Variants in ANK2 observed in about 807,000 individuals in gnomAD.
ANK2 encodes ankyrin 2.
A neutral mutation model predicts 360.5 loss-of-function variants in ANK2; 83 were observed. The observed-to-expected ratio is 0.23, with a 90% CI of 0.19 to 0.28. ANK2 has a LOEUF of 0.28. ANK2 is among the 10% of genes least tolerant of loss of function. The pLI is 1.00. For synonymous variants in ANK2, 1,740 were observed against 1,759.5 expected, an observed-to-expected ratio of 0.99 and a Z score of 0.28; for missense variants, 4,201 against 4,795.7, an observed-to-expected ratio of 0.88 and a Z score of 3.66.
intron 2 of ANK2, among the ~76,000 whole-genome samples, chr4:112,953,777 T>C (rs1431824066): frequency 6.6e-6 from 1 of 152,208 alleles, no homozygotes; most frequent in African/African-American, 2.4e-5. Context: ...ACGAGGATTA[T>C]TACCAGGTGC....
chr4:112,925,719 A>T (rs1054704277), intron 2 of ANK2, among the ~76,000 whole-genome samples: 1 of 152,242 alleles, frequency 6.6e-6, no homozygotes, highest in African/African-American at 2.4e-5. Flanking sequence ...GGGAGATTAC[A>T]TAGAAGAGTT....
chr4:113,374,307 AT>A (rs2096849594), intron 45 of ANK2, among the ~76,000 whole-genome samples: 2 of 152,098 alleles, frequency 1.3e-5, no homozygotes, highest in Non-Finnish European at 2.9e-5. Flanking sequence ...GTGAAATTCT[AT>A]TTTCCATTCA....
At chr4:113,235,076 G>A (rs949455753) in intron 5 of ANK2, among the ~76,000 whole-genome samples, 18 of 152,112 alleles carry the variant, frequency 1.2e-4, no homozygotes, top group African/African-American at 4.3e-4. Context: ...AAAATTAAAG[G>A]CCAAAAACTT....
chr4:113,122,922 A>G (rs1362474738), intron 1 of ANK2, among the ~76,000 whole-genome samples: 1 of 150,830 alleles, frequency 6.6e-6, no homozygotes, highest in African/African-American at 2.4e-5. Flanking sequence ...AAATAAATTT[A>G]TATATTTATT....
intron 2 of ANK2, among the ~76,000 whole-genome samples, chr4:113,028,969 T>C (rs1405491378): frequency 6.6e-6 from 1 of 152,140 alleles, no homozygotes; most frequent in Non-Finnish European, 1.5e-5. Flanking sequence ...TATAAGCTAA[T>C]ATCTTGGAAT....
At chr4:113,293,791 T>G (rs575003962) in intron 22 of ANK2, among the ~76,000 whole-genome samples, 4 of 152,360 alleles carry the variant, frequency 2.6e-5, no homozygotes, top group African/African-American at 7.2e-5. Flanking sequence ...TAATATTTAA[T>G]TCCTTTTTCT....
chr4:113,151,786 C>G (rs1239077963), intron 1 of ANK2, among the ~76,000 whole-genome samples: 5 of 151,722 alleles, frequency 3.3e-5, no homozygotes, highest in African/African-American at 1.2e-4. Flanking sequence ...TGAAGGTAGG[C>G]TGGGCACCAT....
intron 2 of ANK2, among the ~76,000 whole-genome samples, chr4:113,178,652 T>C (rs1418025611): frequency 6.6e-6 from 1 of 151,992 alleles, no homozygotes; most frequent in Admixed American, 6.5e-5. Flanking sequence ...TTCAAGACAG[T>C]ATATTAATTA....
At chr4:112,917,424 A>T (rs1188245926) in intron 2 of ANK2, among the ~76,000 whole-genome samples, 2 of 152,228 alleles carry the variant, frequency 1.3e-5, no homozygotes, top group Non-Finnish European at 2.9e-5. Context: ...CAACACTGCC[A>T]TGATCAGAAT....
At chr4:112,788,155 A>C in the ANK2 span, 1 of 1,584,140 alleles carries the variant, frequency 6.3e-7, no homozygotes, top group Non-Finnish European at 8.6e-7. Flanking sequence ...CAGACTTAGG[A>C]CCCAGGATGT....
At chr4:112,862,305 TA>T (rs1338906162) in intron 1 of ANK2, among the ~76,000 whole-genome samples, 3 of 152,240 alleles carry the variant, frequency 2.0e-5, no homozygotes, top group African/African-American at 7.2e-5. Context: ...TTTATTTCAT[TA>T]TTTTTTAGCA....
intron 1 of ANK2, among the ~76,000 whole-genome samples, chr4:113,158,900 T>A (rs984904808): frequency 2.6e-5 from 4 of 152,224 alleles, no homozygotes; most frequent in African/African-American, 9.6e-5. Context: ...CCCACAATAA[T>A]CTAACTCTTC....
At position 112,964,727 on chromosome 4, in the gene ANK2, G is replaced by A. The variant is rs1582089285; in HGVS notation, c.21+60213G>A. Among the ~76,000 whole-genome samples the A allele has an allele frequency of 2.0e-5, 3 of 151,932 alleles. No homozygotes were observed. The South Asian group carries it at 6.2e-4, about 32-fold the overall frequency. On this transcript the variant is annotated intron_variant, in intron 2 of 30. Coordinates refer to the ANK2 transcript ENST00000503271. ...TGGGACTACAGGCGCCCGCCACCACGCCTGGCTAATTTTTTGTATTTTTAG... is the reference window on the plus strand; with the variant it reads ...TGGGACTACAGGCGCCCGCCACCACACCTGGCTAATTTTTTGTATTTTTAG...
chr4:112,935,891 G>T (rs78770018), intron 2 of ANK2, among the ~76,000 whole-genome samples: 1 of 151,878 alleles, frequency 6.6e-6, no homozygotes, highest in African/African-American at 2.4e-5. Flanking sequence ...CAAGAATATA[G>T]AAATATACAA....
At chr4:113,339,980 T>G (rs1156333510) in intron 32 of ANK2, among the ~76,000 whole-genome samples, 2 of 152,232 alleles carry the variant, frequency 1.3e-5, no homozygotes, top group Non-Finnish European at 2.9e-5. Context: ...AATTAAAACG[T>G]ACATTTCTAT....
the ANK2 span, among the ~76,000 whole-genome samples, chr4:112,809,852 CA>C: frequency 6.7e-6 from 1 of 149,158 alleles, no homozygotes; most frequent in Non-Finnish European, 1.5e-5. Context: ...ACCAAAAACA[CA>C]AAAATTAGAA....
chr4:113,291,792 T>C (rs114359381), intron 20 of ANK2, among the ~76,000 whole-genome samples: 3,912 of 152,314 alleles, frequency 0.026, 99 homozygotes, highest in African/African-American at 0.07. Flanking sequence ...GCACAGGATC[T>C]GAACCTCGCC....
At chr4:113,179,652 A>C (rs1217338619) in intron 2 of ANK2, among the ~76,000 whole-genome samples, 1 of 152,192 alleles carries the variant, frequency 6.6e-6, no homozygotes, top group Non-Finnish European at 1.5e-5. Context: ...TTTAGAAGAG[A>C]AAATAAATCT....
intron 32 of ANK2, among the ~76,000 whole-genome samples, chr4:113,339,928 C>T (rs772323596): frequency 3.3e-5 from 5 of 152,164 alleles, no homozygotes; most frequent in African/African-American, 7.2e-5. Context: ...GGGCAAGAGA[C>T]ATTATGTCCA....
Sources: gnomAD v4.1 joint callset for allele counts (sites outside exome capture counted in the v4.1 genomes callset) on GRCh38, gnomAD v4.1.1 for gene constraint, MANE v1.5 for transcripts, NCBI Gene and HGNC (gene_info 2026-07-23, HGNC 2026-07-21) for gene names.